CNTNAP5: variants seen among roughly 807,000 people sequenced by gnomAD.
The protein encoded by CNTNAP5 is contactin-associated protein-like 5.
Under a neutral mutation model 150.2 loss-of-function variants are expected in CNTNAP5, and 72 were observed. That is an observed-to-expected ratio of 0.48 (90% confidence interval 0.40 to 0.58). CNTNAP5 has a LOEUF of 0.58. Among genes scored for constraint, CNTNAP5 ranks in the 20% least tolerant of loss-of-function variants. The pLI, the probability that CNTNAP5 is intolerant of heterozygous loss-of-function variation, is 0.00. For missense variants in CNTNAP5, 1,636 were observed against 1,626.2 expected (o/e 1.01, Z -0.10); for synonymous variants, 672 against 619.8 (o/e 1.08, Z -1.25).
chr2:124,736,246 A>G (rs760011387), intron 13 of CNTNAP5, among the ~76,000 whole-genome samples: 5 of 152,152 alleles, frequency 3.3e-5, no homozygotes, highest in African/African-American at 7.2e-5. Context: ...AGGAAACAAA[A>G]CAAAACAAAA....
intron 3 of CNTNAP5, among the ~76,000 whole-genome samples, chr2:124,415,869 A>AT (rs1415495262): frequency 8.5e-5 from 13 of 152,204 alleles, no homozygotes; most frequent in Non-Finnish European, 1.8e-4. Flanking sequence ...CAATTAAAAA[A>AT]ATATATTAGG....
intron 1 of CNTNAP5, among the ~76,000 whole-genome samples, chr2:124,166,089 C>A (rs1172335893): frequency 6.6e-6 from 1 of 152,080 alleles, no homozygotes; most frequent in Non-Finnish European, 1.5e-5. Flanking sequence ...TCCCAGAATT[C>A]ATGTTTTCTG....
chr2:124,764,314 T>C (rs564046323), intron 16 of CNTNAP5, among the ~76,000 whole-genome samples, 167 bp downstream of exon 16: 1 of 152,262 alleles, frequency 6.6e-6, no homozygotes, highest in East Asian at 1.9e-4. Flanking sequence ...TTTATGATTT[T>C]TTATGACCTG....
chr2:124,116,283 G>A (rs1220070302), intron 1 of CNTNAP5, among the ~76,000 whole-genome samples: 1 of 152,120 alleles, frequency 6.6e-6, no homozygotes, highest in Non-Finnish European at 1.5e-5. Flanking sequence ...TGAGTTAGGA[G>A]GGATGTATAC....
chr2:124,294,874 G>A (rs535983128), intron 3 of CNTNAP5, among the ~76,000 whole-genome samples: 48 of 152,152 alleles, frequency 3.2e-4, no homozygotes, highest in Non-Finnish European at 5.7e-4. Context: ...TGGGAGCGCC[G>A]AGGCGGGCGG....
chr2:124,043,470 C>T (rs12711663), intron 1 of CNTNAP5, among the ~76,000 whole-genome samples: 23,198 of 152,130 alleles, frequency 0.15, 1,979 homozygotes, highest in South Asian at 0.25. Flanking sequence ...AAATACCTAA[C>T]GATAGCCACC....
At chr2:124,805,703 T>A (rs1005135491) in intron 19 of CNTNAP5, among the ~76,000 whole-genome samples, 3 of 152,180 alleles carry the variant, frequency 2.0e-5, no homozygotes, top group Non-Finnish European at 4.4e-5. Context: ...CTGAATGACA[T>A]AAACAACAAC....
At chr2:124,510,584 T>C (rs2104871503) in intron 8 of CNTNAP5, among the ~76,000 whole-genome samples, 1 of 149,300 alleles carries the variant, frequency 6.7e-6, no homozygotes, top group South Asian at 2.1e-4. Context: ...CATACTTTCT[T>C]CAGACTCTTT....
chr2:124,210,580 C>T (rs1470929505), intron 1 of CNTNAP5, among the ~76,000 whole-genome samples: 1 of 152,044 alleles, frequency 6.6e-6, no homozygotes, highest in Non-Finnish European at 1.5e-5. Flanking sequence ...TTCTAAATCC[C>T]CTGATTGGGT....
intron 1 of CNTNAP5, among the ~76,000 whole-genome samples, chr2:124,116,447 G>A (rs924887055): frequency 6.6e-6 from 1 of 152,148 alleles, no homozygotes; most frequent in African/African-American, 2.4e-5. Context: ...GCAGTAGCAG[G>A]GCTAGCAGCT....
At chr2:124,773,127 T>A (rs1236628375) in intron 17 of CNTNAP5, 110 bp downstream of exon 17, 10 of 791,462 alleles carry the variant, frequency 1.3e-5, no homozygotes, top group Non-Finnish European at 2.1e-5. Flanking sequence ...GATCAAAATG[T>A]CATAAATCAT....
intron 11 of CNTNAP5, among the ~76,000 whole-genome samples, chr2:124,588,592 T>C (rs1696608727): frequency 6.6e-6 from 1 of 152,142 alleles, no homozygotes; most frequent in South Asian, 2.1e-4. Flanking sequence ...GGACAGTTTA[T>C]ATTGAGCTTG....
At chr2:124,173,862 A>T (rs1684996909) in intron 1 of CNTNAP5, among the ~76,000 whole-genome samples, 1 of 152,208 alleles carries the variant, frequency 6.6e-6, no homozygotes, top group African/African-American at 2.4e-5. Flanking sequence ...ATAGCTAGAG[A>T]GGAGAAGTCA....
chr2:124,720,475 A>G (rs191278931), intron 13 of CNTNAP5, among the ~76,000 whole-genome samples: 51 of 152,340 alleles, frequency 3.3e-4, no homozygotes, highest in African/African-American at 1.1e-3. Flanking sequence ...TTAACCAGAA[A>G]TAACTTAGCA....
chr2:124,569,668 C>G (rs553687719), intron 11 of CNTNAP5, among the ~76,000 whole-genome samples: 2 of 152,312 alleles, frequency 1.3e-5, no homozygotes, highest in East Asian at 3.9e-4. Flanking sequence ...TTTGCCAATC[C>G]CTTTTCAACA....
chr2:124,482,687 G>A (rs1453752668), intron 7 of CNTNAP5, among the ~76,000 whole-genome samples: 2 of 152,188 alleles, frequency 1.3e-5, no homozygotes, highest in South Asian at 2.1e-4. Flanking sequence ...TCTTTGGTGT[G>A]AAAAAGGAAG....
intron 11 of CNTNAP5, among the ~76,000 whole-genome samples, chr2:124,582,995 CT>C (rs1028344852): frequency 3.3e-5 from 5 of 151,798 alleles, no homozygotes; most frequent in Admixed American, 6.6e-5. Flanking sequence ...TTAAAAAAGG[CT>C]TTTTTTTCCA....
chr2:124,653,191 G>T (rs1339205652), intron 13 of CNTNAP5, among the ~76,000 whole-genome samples: 1 of 152,196 alleles, frequency 6.6e-6, no homozygotes, highest in Non-Finnish European at 1.5e-5. Flanking sequence ...GTTTCTACCT[G>T]CAGTCAATTG....
chr2:124,443,260 T>C (rs1333987864), intron 5 of CNTNAP5, among the ~76,000 whole-genome samples: 2 of 148,920 alleles, frequency 1.3e-5, no homozygotes, highest in African/African-American at 4.9e-5. Context: ...TATATAATTA[T>C]GTATCATATG....
Sources: allele counts gnomAD v4.1 joint callset (sites outside exome capture counted in the v4.1 genomes callset), GRCh38; gene constraint gnomAD v4.1.1; transcripts MANE v1.5; gene names NCBI Gene and HGNC (gene_info 2026-07-23, HGNC 2026-07-21).